The following TBCD variants were observed in gnomAD, a reference collection of about 807,000 sequenced individuals.
TBCD encodes tubulin-specific chaperone D.
In TBCD, 105 loss-of-function variants were observed where a neutral mutation model predicts 169.3. The ratio of observed to expected loss-of-function variants is 0.62; its 90% CI spans 0.53 to 0.73. The LOEUF is 0.73. Ranked by LOEUF, TBCD falls within the 30% of genes least tolerant of loss-of-function variation. The pLI, the probability that TBCD is intolerant of heterozygous loss-of-function variation, is 0.00. For synonymous variants in TBCD, 700 were observed against 643.9 expected (o/e 1.09, Z -1.32); for missense variants, 1,444 against 1,600.1 (o/e 0.90, Z 1.66).
At chr17:82,803,416 G>A (rs951378602) in intron 9 of TBCD, among the ~76,000 whole-genome samples, 5 of 152,222 alleles carry the variant, frequency 3.3e-5, no homozygotes, top group South Asian at 2.1e-4. Context: ...TGACAGGTGC[G>A]TCTGAGTCTC....
intron 13 of TBCD, among the ~76,000 whole-genome samples, chr17:82,848,629 C>T (rs954760885): frequency 3.9e-5 from 6 of 152,138 alleles, no homozygotes; most frequent in South Asian, 2.1e-4. Context: ...TGAGTTAAAT[C>T]GCACAAGGAC....
chr17:82,863,725 G>C (rs2145850145), intron 13 of TBCD, among the ~76,000 whole-genome samples: 1 of 152,284 alleles, frequency 6.6e-6, no homozygotes, highest in East Asian at 1.9e-4. Flanking sequence ...GCCTCCTCGG[G>C]AAGCAGCAGT....
At chr17:82,891,770 G>C (rs1400385292) in intron 16 of TBCD, among the ~76,000 whole-genome samples, 1 of 151,966 alleles carries the variant, frequency 6.6e-6, no homozygotes, top group Admixed American at 6.6e-5. Context: ...CACAGAGGGG[G>C]CTGGGGGCAG....
intron 6 of TBCD, among the ~76,000 whole-genome samples, chr17:82,779,956 CGCCTGGT>C (rs1375776066): frequency 6.6e-6 from 1 of 152,092 alleles, no homozygotes; most frequent in Non-Finnish European, 1.5e-5. Flanking sequence ...GTTGAGGGAG[CGCCTGGT>C]GCCTCCCTCC....
At chr17:82,803,021 C>T (rs963016572) in intron 9 of TBCD, among the ~76,000 whole-genome samples, 3 of 152,232 alleles carry the variant, frequency 2.0e-5, no homozygotes, top group South Asian at 2.1e-4. Flanking sequence ...TCTTTCTCTA[C>T]GTTTCCTGTA....
intron 12 of TBCD, among the ~76,000 whole-genome samples, chr17:82,811,053 G>A (rs146959412): frequency 8.6e-4 from 131 of 152,346 alleles, no homozygotes; most frequent in African/African-American, 2.9e-3. Context: ...TACCACAACT[G>A]CTTGATGGGA....
At chr17:82,882,686 A>G (rs2058442416) in intron 14 of TBCD, among the ~76,000 whole-genome samples, 1 of 151,956 alleles carries the variant, frequency 6.6e-6, no homozygotes, top group Non-Finnish European at 1.5e-5. Flanking sequence ...GTGAATCTGG[A>G]GAACAAGTGG....
At chr17:82,879,477 T>C (rs1349054279) in intron 14 of TBCD, among the ~76,000 whole-genome samples, 5 of 152,234 alleles carry the variant, frequency 3.3e-5, no homozygotes, top group Non-Finnish European at 7.3e-5. Flanking sequence ...GGTGGGACGC[T>C]CTGTGCATCC....
At chr17:82,926,659 C>T (rs767845739) in intron 28 of TBCD, among the ~76,000 whole-genome samples, 168 bp downstream of exon 28, 5 of 152,248 alleles carry the variant, frequency 3.3e-5, no homozygotes, top group Non-Finnish European at 7.3e-5. Flanking sequence ...CTTTCATTCT[C>T]TTGCTGTCAT....
Position 82,924,942 on chromosome 17 carries a change from A to T in TBCD, c.2264A>T (p.Glu755Val). The change falls in exon 27 of 39, where the codon GAG (glutamate) becomes GTG (valine). Residue 755 changes from glutamate (E) to valine (V), a missense_variant. Coordinates refer to ENST00000355528, the MANE Select transcript of TBCD (RefSeq NM_005993.5). ...PGEADPAIQE[E>V]LITQYLAELR... ...CACACTCGTTGCTTCCTTTCAGAGG[A>T]GCTGATCACGCAGTACCTGGCTGAG... 2 of 1,560,110 alleles carry T rather than the reference A, an allele frequency of 1.3e-6. No homozygotes were observed. The highest frequency in any genetic ancestry group is 1.7e-6 in the Non-Finnish European group (2 of 1,151,168).
At position 82,849,928 on chromosome 17, in the gene TBCD, T is replaced by TGTTGGCTGTTTTGCTGTTGGCTGTGC. The variant is rs2055516886; in HGVS notation, c.1319-20296_1319-20295insGTTGGCTGTTTTGCTGTTGGCTGTGC. Among the ~76,000 whole-genome samples the TGTTGGCTGTTTTGCTGTTGGCTGTGC allele has an allele frequency of 3.2e-3, 384 of 118,588 alleles. 20 individuals are homozygous for TGTTGGCTGTTTTGCTGTTGGCTGTGC. Among genetic ancestry groups the TGTTGGCTGTTTTGCTGTTGGCTGTGC allele is most frequent in the African/African-American group, 0.012 (363 of 29,728 alleles). 77.8% of individuals were successfully genotyped at this position (118,588 alleles called of 152,430 possible). A position where few individuals can be genotyped will look rare whatever the true frequency, so the allele number is the denominator to read the frequency against. ...GTTGGCTGTGCTGTTGTTGGCTGTT[T>TGTTGGCTGTTTTGCTGTTGGCTGTGC]TGCTGTTGGCTGTGCTGTTGTTGCC... On this transcript the variant is annotated intron_variant, in intron 13 of 38. Transcript: ENST00000355528.
chr17:82,855,273 A>ATTTTTTTTT (rs1277375028), intron 13 of TBCD, among the ~76,000 whole-genome samples: 41 of 59,646 alleles, frequency 6.9e-4, no homozygotes, highest in African/African-American at 2.5e-3. Context: ...TTTTTTTTTA[A>ATTTTTTTTT]TTTTTTAGAG....
intron 7 of TBCD, among the ~76,000 whole-genome samples, chr17:82,783,914 CG>C (rs1186654022): frequency 6.6e-6 from 1 of 152,100 alleles, no homozygotes; most frequent in Non-Finnish European, 1.5e-5. Context: ...TACTTGAGGT[CG>C]GGAGTTCGAG....
intron 7 of TBCD, chr17:82,796,210 C>G (rs1045994017): frequency 3.3e-5 from 5 of 152,250 alleles, no homozygotes; most frequent in African/African-American, 1.2e-4. Context: ...CCGAACCCCG[C>G]GTCCCGTTGC....
At chr17:82,770,062 G>GGATCC (rs1213261921) in intron 5 of TBCD, among the ~76,000 whole-genome samples, 1 of 152,026 alleles carries the variant, frequency 6.6e-6, no homozygotes, top group African/African-American at 2.4e-5. Context: ...CATAAATGGT[G>GGATCC]GATCCATGTT....
chr17:82,925,691 G>T (rs754639), intron 27 of TBCD, among the ~76,000 whole-genome samples: 2 of 152,048 alleles, frequency 1.3e-5, no homozygotes, highest in Non-Finnish European at 2.9e-5. Context: ...GGTGGGCCTC[G>T]CAGCCGCCAT....
intron 27 of TBCD, among the ~76,000 whole-genome samples, chr17:82,925,800 C>T (rs923623265): frequency 1.3e-5 from 2 of 152,206 alleles, no homozygotes; most frequent in Non-Finnish European, 1.5e-5. Context: ...TGTCGGGACC[C>T]AGCAGCTTCC....
In TBCD at chr17:82,864,607, G is replaced by T. The variant is rs1390227267; in HGVS notation, c.1319-5617G>T. 1.3e-5 allele frequency among the ~76,000 whole-genome samples: 2 copies of T among 152,230 alleles called. No homozygotes were observed. On this transcript the variant is annotated intron_variant, in intron 13 of 38. Transcript: ENST00000355528. This position sits in a 1 kb window ranked among gnomAD's most constrained non-coding sequence, Gnocchi z 6.3. Reference sequence around the variant, plus strand: ...CGACCCTGCACAGTGGGTGGTGGCAGGTGGGATCTTGGTTCACAGGCACAG... The same window carrying T: ...CGACCCTGCACAGTGGGTGGTGGCATGTGGGATCTTGGTTCACAGGCACAG...
chr17:82,916,514 GTT>G (rs199992177), intron 23 of TBCD, among the ~76,000 whole-genome samples: 15,041 of 145,450 alleles, frequency 0.1, 1,024 homozygotes, highest in South Asian at 0.3. Context: ...CAAAGGTGCT[GTT>G]TTTTTTTTTT....
Sources: allele counts gnomAD v4.1 joint callset (sites outside exome capture counted in the v4.1 genomes callset), GRCh38; gene constraint gnomAD v4.1.1; non-coding constraint Gnocchi (gnomAD v3.1); transcripts MANE v1.5; gene names NCBI Gene and HGNC (gene_info 2026-07-23, HGNC 2026-07-21).